Variants in CALN1 observed in about 807,000 individuals in gnomAD.
CALN1 encodes the protein calcium-binding protein 8.
CALN1 carries 17 observed loss-of-function variants against 30.6 expected under a neutral mutation model. That is an observed-to-expected ratio of 0.56 (90% CI 0.38 to 0.83). The LOEUF is 0.83. Among genes scored for constraint, CALN1 ranks in the 40% least tolerant of loss-of-function variants. The pLI is 0.00. For synonymous variants in CALN1, 156 were observed against 131.4 expected (o/e 1.19, Z -1.28); for missense variants, 291 against 354.9 (o/e 0.82, Z 1.45).
At chr7:71,855,643 C>T (rs1357492534) in intron 5 of CALN1, among the ~76,000 whole-genome samples, 2 of 152,104 alleles carry the variant, frequency 1.3e-5, no homozygotes, top group Non-Finnish European at 1.5e-5. Context: ...TGTGGTCCCT[C>T]GTGGGCACTC....
chr7:71,813,723 A>G (rs1232397887), intron 5 of CALN1, among the ~76,000 whole-genome samples: 1 of 152,024 alleles, frequency 6.6e-6, no homozygotes, highest in Non-Finnish European at 1.5e-5. Context: ...AGGTCAGGAG[A>G]TTGAGACCAT....
At chr7:72,138,334 C>T (rs1809648417) in intron 3 of CALN1, among the ~76,000 whole-genome samples, 7 of 151,614 alleles carry the variant, frequency 4.6e-5, no homozygotes. Context: ...TTAAGAAGAA[C>T]AAAATGTTAT....
At chr7:71,822,438 G>C (rs1042640459) in intron 5 of CALN1, among the ~76,000 whole-genome samples, 1 of 152,110 alleles carries the variant, frequency 6.6e-6, no homozygotes, top group Non-Finnish European at 1.5e-5. Context: ...AGTAGAGACG[G>C]GATTTCTCCA....
chr7:72,473,207 T>C, the CALN1 span, among the ~76,000 whole-genome samples: 2 of 151,866 alleles, frequency 1.3e-5, no homozygotes, highest in African/African-American at 2.4e-5. Flanking sequence ...CACTTCCGCC[T>C]CCCAAAGTGC....
intron 3 of CALN1, among the ~76,000 whole-genome samples, chr7:72,236,060 A>T (rs1231486240): frequency 6.9e-6 from 1 of 145,190 alleles, no homozygotes; most frequent in African/African-American, 2.6e-5. Flanking sequence ...CCTGGGCAAT[A>T]TAATGAGCCC....
At chr7:72,156,159 A>G (rs561123388) in intron 3 of CALN1, among the ~76,000 whole-genome samples, 19 of 152,208 alleles carry the variant, frequency 1.2e-4, no homozygotes, top group Non-Finnish European at 2.8e-4. Context: ...ATTCTCTAGA[A>G]GAGGACAAAC....
chr7:72,364,447 A>T (rs1001900227), intron 2 of CALN1, among the ~76,000 whole-genome samples: 6 of 152,232 alleles, frequency 3.9e-5, no homozygotes, highest in African/African-American at 1.2e-4. Flanking sequence ...AAAAATGTTT[A>T]TGATTTAGTA....
intron 4 of CALN1, among the ~76,000 whole-genome samples, chr7:72,036,642 T>C (rs910447763): frequency 4.6e-5 from 7 of 152,186 alleles, no homozygotes; most frequent in African/African-American, 1.4e-4. Flanking sequence ...TCCATTATTA[T>C]ACTTTTTGGC....
At chr7:72,407,496 G>A (rs769731667) in intron 1 of CALN1, among the ~76,000 whole-genome samples, 1 of 152,108 alleles carries the variant, frequency 6.6e-6, no homozygotes, top group Non-Finnish European at 1.5e-5. Context: ...TCTGGTTGTT[G>A]CAAGTGTGTG....
chr7:71,818,704 ATTTATTTATTTATTTATTTT>A (rs1325544650), intron 5 of CALN1, among the ~76,000 whole-genome samples: 51 of 147,334 alleles, frequency 3.5e-4, no homozygotes, highest in African/African-American at 1.2e-3. Flanking sequence ...TTATTTATTT[ATTTATTTATTTATTTATTTT>A]TTTGAGCTGG....
At chr7:72,406,778 G>T (rs1018371816) in intron 1 of CALN1, among the ~76,000 whole-genome samples, 1 of 152,026 alleles carries the variant, frequency 6.6e-6, no homozygotes, top group Non-Finnish European at 1.5e-5. Context: ...CACCAGGCCT[G>T]GCTAATTTTT....
intron 1 of CALN1, among the ~76,000 whole-genome samples, chr7:72,438,363 C>T (rs1379668382): frequency 6.6e-6 from 1 of 152,098 alleles, no homozygotes; most frequent in Non-Finnish European, 1.5e-5. Flanking sequence ...CTCAAGCCAT[C>T]CTCCCACCTC....
At chr7:71,966,906 A>G (rs1172559280) in intron 5 of CALN1, among the ~76,000 whole-genome samples, 8 of 152,202 alleles carry the variant, frequency 5.3e-5, no homozygotes, top group African/African-American at 1.9e-4. Context: ...CTTTCTCTAG[A>G]CACTCTAAAA....
At chr7:72,128,346 C>T (rs896988619) in intron 3 of CALN1, among the ~76,000 whole-genome samples, 1 of 151,790 alleles carries the variant, frequency 6.6e-6, no homozygotes, top group African/African-American at 2.4e-5. Flanking sequence ...AAGATGAATC[C>T]AAAAAATAAC....
At chr7:72,189,520 G>A (rs1790453537) in intron 3 of CALN1, among the ~76,000 whole-genome samples, 1 of 152,162 alleles carries the variant, frequency 6.6e-6, no homozygotes, top group South Asian at 2.1e-4. Flanking sequence ...CCTTTGGGAG[G>A]CCAAGACTAG....
intron 5 of CALN1, among the ~76,000 whole-genome samples, chr7:71,868,135 G>A (rs180884829): frequency 4.6e-5 from 7 of 151,950 alleles, no homozygotes; most frequent in Non-Finnish European, 8.8e-5. Flanking sequence ...AGTATAATTC[G>A]GAAGAAGGGC....
chr7:72,140,275 TAAGAGAGAGAGAGAGAGA>T (rs1387165322), intron 3 of CALN1, among the ~76,000 whole-genome samples: 1 of 49,684 alleles, frequency 2.0e-5, no homozygotes, highest in Non-Finnish European at 3.4e-5. Context: ...TGTCTCAAAA[TAAGAGAGAGAGAGAGAGA>T]GAGAGAGAGA....
chr7:72,031,761 A>G (rs1249955887), intron 4 of CALN1, among the ~76,000 whole-genome samples: 2 of 87,256 alleles, frequency 2.3e-5, no homozygotes, highest in Non-Finnish European at 2.1e-5. Flanking sequence ...TTTTTTTTTG[A>G]GACAGAAACT....
chr7:72,132,784 G>A (rs997398693), intron 3 of CALN1, among the ~76,000 whole-genome samples: 6 of 152,098 alleles, frequency 3.9e-5, no homozygotes, highest in African/African-American at 1.2e-4. Context: ...CCAAGACAAT[G>A]TAGCCCATCA....
Sources: allele counts gnomAD v4.1 joint callset (sites outside exome capture counted in the v4.1 genomes callset), GRCh38; gene constraint gnomAD v4.1.1; transcripts MANE v1.5; gene names NCBI Gene and HGNC (gene_info 2026-07-23, HGNC 2026-07-21).